Variants in INSC observed in about 807,000 individuals in gnomAD.
INSC encodes INSC spindle orientation adaptor protein.
Under a neutral mutation model 58.6 loss-of-function variants are expected in INSC, and 67 were observed. That is an observed-to-expected ratio of 1.14 (90% CI 0.94 to 1.40). INSC has a LOEUF of 1.40. Ranked by LOEUF, INSC falls within the 40% of genes most tolerant of loss-of-function variation. The pLI, the probability that INSC is intolerant of heterozygous loss-of-function variation, is 0.00. For missense variants in INSC, 714 were observed against 692.0 expected (o/e 1.03, Z -0.36); for synonymous variants, 262 against 276.1 (o/e 0.95, Z 0.51).
chr11:15,143,987 TTCAGTC>T (rs1848433462), intron 1 of INSC, among the ~76,000 whole-genome samples: 1 of 152,208 alleles, frequency 6.6e-6, no homozygotes, highest in Non-Finnish European at 1.5e-5. Flanking sequence ...GAAATCTCCT[TTCAGTC>T]TCAAGCTCCT....
At position 15,178,309 on chromosome 11, in the gene INSC, G is replaced by T; in HGVS notation, c.456-15G>T. 1 of 1,613,656 alleles carries T rather than the reference G, an allele frequency of 6.2e-7. No homozygotes were observed. Among genetic ancestry groups the T allele is most frequent in the Non-Finnish European group, 8.5e-7 (1 of 1,179,970 alleles). On this transcript the variant is annotated splice_polypyrimidine_tract_variant and intron_variant, in intron 4 of 12. Transcript: ENST00000379556. ...GCCCTTTCCAGTGGCCCACCCCATG[G>T]TTTCTTCTCTTCAGGTGCCTTCAGG...
chr11:15,235,581 T>C (rs1852090767), intron 9 of INSC, 21 bp from the exon 10 acceptor site: 1 of 1,605,260 alleles, frequency 6.2e-7, no homozygotes. Flanking sequence ...TTTTCTGAGG[T>C]TTCTAAATTA....
chr11:15,227,962 T>A (rs1433914791), intron 9 of INSC, among the ~76,000 whole-genome samples: 1 of 152,352 alleles, frequency 6.6e-6, no homozygotes, highest in East Asian at 1.9e-4. Context: ...GCTTTTTTGC[T>A]ATTAATAATC....
At chr11:15,177,237 C>T in intron 4 of INSC, 74 bp downstream of exon 4, 2 of 1,171,030 alleles carry the variant, frequency 1.7e-6, no homozygotes, top group Non-Finnish European at 2.6e-6. Flanking sequence ...GTATCTTCTC[C>T]CAGAGGGAGA....
intron 7 of INSC, among the ~76,000 whole-genome samples, chr11:15,219,878 C>T (rs2133927587): frequency 6.6e-6 from 1 of 152,344 alleles, no homozygotes; most frequent in South Asian, 2.1e-4. Context: ...CCCTGCTTCC[C>T]TTCCCTTTTC....
At chr11:15,196,112 G>A (rs1006192431) in intron 6 of INSC, among the ~76,000 whole-genome samples, 1 of 152,294 alleles carries the variant, frequency 6.6e-6, no homozygotes, top group African/African-American at 2.4e-5. Context: ...ACCAGGAGTT[G>A]TTTAAAGATT....
At chr11:15,211,341 C>T (rs1851018406) in intron 7 of INSC, among the ~76,000 whole-genome samples, 1 of 152,126 alleles carries the variant, frequency 6.6e-6, no homozygotes, top group Non-Finnish European at 1.5e-5. Context: ...ATTTGGTTAT[C>T]ATCTTTTGTG....
intron 5 of INSC, among the ~76,000 whole-genome samples, chr11:15,183,181 C>G (rs544081659): frequency 1.3e-5 from 2 of 151,838 alleles, no homozygotes; most frequent in Non-Finnish European, 2.9e-5. Flanking sequence ...AACCCTGTCT[C>G]TACTAAAAAT....
chr11:15,255,797 T>A, the INSC span, among the ~76,000 whole-genome samples: 95 of 151,550 alleles, frequency 6.3e-4, no homozygotes, highest in African/African-American at 2.3e-3. Context: ...CAAAAGAAAC[T>A]GTGCAGCCCA....
intron 8 of INSC, 82 bp from the exon 9 acceptor site, chr11:15,225,568 A>G: frequency 7.3e-7 from 1 of 1,375,480 alleles, no homozygotes. Flanking sequence ...ACGATCTCCC[A>G]GAGGTATTGT....
chr11:15,156,424 A>G (rs1848817712), intron 2 of INSC, among the ~76,000 whole-genome samples: 1 of 152,178 alleles, frequency 6.6e-6, no homozygotes, highest in East Asian at 1.9e-4. Flanking sequence ...ATTAAGAACA[A>G]GGCTCTGGTC....
chr11:15,230,471 T>C (rs1195888215), intron 9 of INSC, among the ~76,000 whole-genome samples: 1 of 152,136 alleles, frequency 6.6e-6, no homozygotes, highest in East Asian at 1.9e-4. Flanking sequence ...AAGATGGTGC[T>C]AAATCATTCA....
chr11:15,132,136 A>G (rs142457759), intron 1 of INSC, among the ~76,000 whole-genome samples: 2 of 152,284 alleles, frequency 1.3e-5, no homozygotes, highest in African/African-American at 4.8e-5. Context: ...TAATAATCTA[A>G]AAAGCCTAAA....
At chr11:15,164,493 G>A (rs777889079) in intron 2 of INSC, among the ~76,000 whole-genome samples, 4 of 152,062 alleles carry the variant, frequency 2.6e-5, no homozygotes, top group Admixed American at 6.5e-5. Flanking sequence ...TCCTTAATGT[G>A]GTGCTTTGTT....
chr11:15,255,772 C>T, the INSC span, among the ~76,000 whole-genome samples: 8 of 119,340 alleles, frequency 6.7e-5, no homozygotes, highest in Admixed American at 1.6e-4. Flanking sequence ...GTGTTAGTCT[C>T]GGACTTGAGG....
At chr11:15,200,744 T>G (rs1441528209) in intron 6 of INSC, 80 bp from the exon 7 acceptor site, 1 of 1,591,674 alleles carries the variant, frequency 6.3e-7, no homozygotes, top group African/African-American at 1.3e-5. Flanking sequence ...ATCTGGCGAA[T>G]CAGGGATGTC....
At chr11:15,123,047 TCA>T (rs1404393478) in intron 1 of INSC, among the ~76,000 whole-genome samples, 3 of 152,166 alleles carry the variant, frequency 2.0e-5, no homozygotes, top group African/African-American at 7.2e-5. Flanking sequence ...CAGCTGAGTC[TCA>T]GTCTCTAGGG....
intron 1 of INSC, among the ~76,000 whole-genome samples, chr11:15,147,772 G>A (rs1049995491): frequency 3.9e-5 from 6 of 152,164 alleles, no homozygotes; most frequent in Non-Finnish European, 7.3e-5. Flanking sequence ...TTTATTCTGG[G>A]CTCCTGCCTC....
chr11:15,265,578 T>G, the INSC span, among the ~76,000 whole-genome samples: 1 of 151,738 alleles, frequency 6.6e-6, no homozygotes, highest in Non-Finnish European at 1.5e-5. Flanking sequence ...TTTCAAAATA[T>G]CCCTTTATTA....
Sources: allele counts gnomAD v4.1 joint callset (sites outside exome capture counted in the v4.1 genomes callset), GRCh38; gene constraint gnomAD v4.1.1; transcripts MANE v1.5; gene names NCBI Gene and HGNC (gene_info 2026-07-23, HGNC 2026-07-21).